Variants in BCAR3 observed in about 807,000 individuals in gnomAD.
The protein encoded by BCAR3 is breast cancer anti-estrogen resistance protein 3.
BCAR3 carries 37 observed loss-of-function variants against 80.1 expected under a neutral mutation model. The ratio of observed to expected loss-of-function variants is 0.46; its 90% confidence interval spans 0.36 to 0.61. The LOEUF is 0.61. BCAR3 is among the 20% of genes least tolerant of loss of function. The pLI, the probability that BCAR3 is intolerant of heterozygous loss-of-function variation, is 0.00. For synonymous variants in BCAR3, 389 were observed against 418.9 expected, an observed-to-expected ratio of 0.93 and a Z score of 0.87; for missense variants, 978 against 1,068.2, an observed-to-expected ratio of 0.92 and a Z score of 1.18.
intron 2 of BCAR3, among the ~76,000 whole-genome samples, chr1:93,780,748 A>C (rs960157481): frequency 1.3e-5 from 2 of 152,238 alleles, no homozygotes; most frequent in Admixed American, 6.5e-5. Flanking sequence ...ATTTTGTTAA[A>C]AGTGAACATA....
chr1:93,663,001 A>T (rs1051663521), intron 2 of BCAR3, among the ~76,000 whole-genome samples: 1 of 151,792 alleles, frequency 6.6e-6, no homozygotes, highest in Admixed American at 6.6e-5. Context: ...TCAGTCTCAC[A>T]CTCCCTCAGT....
At chr1:93,643,701 T>C (rs1395646945) in intron 2 of BCAR3, among the ~76,000 whole-genome samples, 1 of 151,824 alleles carries the variant, frequency 6.6e-6, no homozygotes, top group Non-Finnish European at 1.5e-5. Context: ...TGAACAAGCA[T>C]AGAGCTCTAA....
chr1:93,803,370 G>A (rs1653554161), intron 2 of BCAR3, among the ~76,000 whole-genome samples: 1 of 152,128 alleles, frequency 6.6e-6, no homozygotes, highest in Non-Finnish European at 1.5e-5. Context: ...TAGTTGACCT[G>A]TTTCCTTTCT....
chr1:93,789,183 C>T (rs1571129186), intron 2 of BCAR3, among the ~76,000 whole-genome samples: 1 of 152,098 alleles, frequency 6.6e-6, no homozygotes, highest in East Asian at 1.9e-4. Flanking sequence ...AAATTGTTGG[C>T]CAGGCTGGTC....
chr1:93,625,079 C>G (rs1035335141), intron 3 of BCAR3, among the ~76,000 whole-genome samples: 1 of 152,144 alleles, frequency 6.6e-6, no homozygotes, highest in Non-Finnish European at 1.5e-5. Flanking sequence ...GGCATGGTGG[C>G]GGGGGCCTGT....
chr1:93,726,874 A>C (rs2100677690), intron 2 of BCAR3, among the ~76,000 whole-genome samples: 1 of 152,324 alleles, frequency 6.6e-6, no homozygotes, highest in South Asian at 2.1e-4. Flanking sequence ...ATTTATCAAC[A>C]GCCTGTACTT....
chr1:93,732,355 C>T (rs1230130191), intron 2 of BCAR3, among the ~76,000 whole-genome samples: 2 of 152,170 alleles, frequency 1.3e-5, no homozygotes, highest in Non-Finnish European at 2.9e-5. Flanking sequence ...TGGCTCATGC[C>T]TGTAATCCCA....
chr1:93,657,917 A>G (rs1355287814), intron 2 of BCAR3, among the ~76,000 whole-genome samples: 3 of 151,870 alleles, frequency 2.0e-5, no homozygotes, highest in Non-Finnish European at 4.4e-5. Context: ...TCAATCAGTC[A>G]GAAACAAGAC....
At chr1:93,642,618 G>C (rs1030895158) in intron 2 of BCAR3, among the ~76,000 whole-genome samples, 7 of 152,210 alleles carry the variant, frequency 4.6e-5, no homozygotes, top group African/African-American at 1.7e-4. Context: ...CATAGAAAGT[G>C]AAAGTCTGAA....
At chr1:93,832,441 C>T (rs181893240) in intron 2 of BCAR3, among the ~76,000 whole-genome samples, 232 of 152,316 alleles carry the variant, frequency 1.5e-3, no homozygotes, top group African/African-American at 5.4e-3. Flanking sequence ...GACTGTCCAA[C>T]CTGGCAGCCA....
chr1:93,683,473 T>C (rs539966124), upstream of BCAR3, among the ~76,000 whole-genome samples: 1 of 152,326 alleles, frequency 6.6e-6, no homozygotes, highest in South Asian at 2.1e-4. Flanking sequence ...CAGAGATGTA[T>C]ACACATATTC....
At chr1:93,841,490 C>A (rs935667446) in intron 2 of BCAR3, among the ~76,000 whole-genome samples, 2 of 152,248 alleles carry the variant, frequency 1.3e-5, no homozygotes, top group Non-Finnish European at 2.9e-5. Flanking sequence ...CTGCCACTTA[C>A]AAGATACTCC....
chr1:93,744,676 G>C (rs1457320636), intron 2 of BCAR3, among the ~76,000 whole-genome samples: 3 of 152,118 alleles, frequency 2.0e-5, no homozygotes, highest in Non-Finnish European at 4.4e-5. Flanking sequence ...ATCATAAAGG[G>C]GACCAAGCCT....
intron 2 of BCAR3, 115 bp from the exon 3 acceptor site, chr1:93,642,458 T>G: frequency 1.0e-6 from 1 of 1,001,128 alleles, no homozygotes; most frequent in Non-Finnish European, 1.5e-6. Context: ...CTGGGCCCCA[T>G]CTCCCAGGCA....
intron 3 of BCAR3, among the ~76,000 whole-genome samples, chr1:93,621,965 G>A (rs1290641985): frequency 1.3e-5 from 2 of 152,156 alleles, no homozygotes; most frequent in African/African-American, 2.4e-5. Context: ...TCCGCCTCCC[G>A]GGTTCAAGTG....
chr1:93,735,501 CTCCACATGAAA>C (rs1275893798), intron 2 of BCAR3, among the ~76,000 whole-genome samples: 8 of 152,204 alleles, frequency 5.3e-5, no homozygotes, highest in Non-Finnish European at 1.0e-4. Flanking sequence ...TTAAAATGTG[CTCCACATGAAA>C]TAGAACATAT....
chr1:93,821,389 T>C (rs901254366), intron 2 of BCAR3, among the ~76,000 whole-genome samples: 2 of 152,322 alleles, frequency 1.3e-5, no homozygotes, highest in African/African-American at 2.4e-5. Flanking sequence ...ATGTCTTCGA[T>C]TTCTCTTTAG....
intron 2 of BCAR3, among the ~76,000 whole-genome samples, chr1:93,716,390 A>G (rs1040405785): frequency 6.6e-6 from 1 of 152,212 alleles, no homozygotes; most frequent in African/African-American, 2.4e-5. Flanking sequence ...CTACTTTGCC[A>G]CTAATATTGT....
At chr1:93,673,589 T>C (rs952464828) in intron 2 of BCAR3, among the ~76,000 whole-genome samples, 1 of 152,228 alleles carries the variant, frequency 6.6e-6, no homozygotes, top group African/African-American at 2.4e-5. Context: ...AGGCTGCTGA[T>C]CTTCCCCAAC....
Sources: allele counts gnomAD v4.1 joint callset (sites outside exome capture counted in the v4.1 genomes callset), GRCh38; gene constraint gnomAD v4.1.1; transcripts MANE v1.5; gene names NCBI Gene and HGNC (gene_info 2026-07-23, HGNC 2026-07-21).